DNAJC10: variants seen among roughly 807,000 people sequenced by gnomAD.
The protein encoded by DNAJC10 is endoplasmic reticulum disulfide reductase DNAJC10.
DNAJC10 carries 101 observed loss-of-function variants against 115.0 expected under a neutral mutation model. That is an observed-to-expected ratio of 0.88 (90% CI 0.75 to 1.04). The LOEUF (loss-of-function observed/expected upper bound fraction) is 1.04, where lower values mean the gene tolerates loss of function less well. Among genes scored for constraint, DNAJC10 ranks in the 50% least tolerant of loss-of-function variants. The pLI is 0.00. For synonymous variants in DNAJC10, 307 were observed against 301.5 expected, an observed-to-expected ratio of 1.02 and a Z score of -0.19; for missense variants, 981 against 928.8, an observed-to-expected ratio of 1.06 and a Z score of -0.73.
intron 23 of DNAJC10, 97 bp downstream of exon 23, chr2:182,775,517 T>G: frequency 1.6e-6 from 1 of 634,962 alleles, no homozygotes; most frequent in Non-Finnish European, 2.8e-6. Flanking sequence ...GACAACAAAA[T>G]GAGGCATCAA....
At chr2:182,763,604 C>T (rs1694339908) in intron 22 of DNAJC10, among the ~76,000 whole-genome samples, 2 of 152,160 alleles carry the variant, frequency 1.3e-5, no homozygotes, top group South Asian at 4.1e-4. Flanking sequence ...TCACACCACA[C>T]ACTCCACTCC....
chr2:182,762,492 T>G (rs1246718260), intron 21 of DNAJC10, among the ~76,000 whole-genome samples, 190 bp from the exon 22 acceptor site: 2 of 152,124 alleles, frequency 1.3e-5, no homozygotes, highest in Non-Finnish European at 2.9e-5. Flanking sequence ...GTTTATTTGC[T>G]GTTGGAGAGG....
rs1317822325 is a variant in DNAJC10, at chr2:182,755,081, G to A, written c.1630G>A (p.Glu544Lys). The A allele has an allele frequency of 8.7e-6, 14 of 1,605,330 alleles. No homozygotes were observed. The highest frequency in any genetic ancestry group is 1.1e-5 in the Non-Finnish European group (13 of 1,172,406). ...TGAGTATGAAGGACATCACTCTGCTGAACAAATCTTGGAGTTCATAGAGGT... is the reference window on the plus strand; with the variant it reads ...TGAGTATGAAGGACATCACTCTGCTAAACAAATCTTGGAGTTCATAGAGGT... ...IHEYEGHHSA[E>K]QILEFIEDLM... Residue 544 changes from glutamate (E) to lysine (K), a missense_variant, in exon 17 of 24, where the codon GAA (glutamate) becomes AAA (lysine). Coordinates refer to ENST00000264065, the MANE Select transcript of DNAJC10 (RefSeq NM_018981.4).
intron 10 of DNAJC10, among the ~76,000 whole-genome samples, chr2:182,733,814 TAGATAGATAGATA>T (rs2105630705): frequency 6.6e-6 from 1 of 151,146 alleles, no homozygotes; most frequent in South Asian, 2.1e-4. Context: ...GATAGATAGA[TAGATAGATAGATA>T]GATTTTCTAC....
At chr2:182,731,222 C>A in intron 9 of DNAJC10, 115 bp downstream of exon 9, 1 of 637,928 alleles carries the variant, frequency 1.6e-6, no homozygotes, top group South Asian at 2.5e-5. Flanking sequence ...CAATTTATGC[C>A]CAGGATTACA....
At chr2:182,741,212 C>CG (rs1693729156) in intron 12 of DNAJC10, 31 bp from the exon 13 acceptor site, 5 of 1,444,184 alleles carry the variant, frequency 3.5e-6, no homozygotes, top group Non-Finnish European at 4.8e-6. Context: ...TTTCCCATCT[C>CG]TGACATTTTG....
intron 11 of DNAJC10, among the ~76,000 whole-genome samples, chr2:182,738,395 T>G: frequency 6.6e-6 from 1 of 152,128 alleles, no homozygotes; most frequent in East Asian, 1.9e-4. Flanking sequence ...TTGCCTTGAG[T>G]ATTATAATCT....
intron 4 of DNAJC10, 83 bp from the exon 5 acceptor site, chr2:182,721,942 A>T (rs1693160708): frequency 2.6e-6 from 2 of 771,238 alleles, no homozygotes; most frequent in Non-Finnish European, 4.0e-6. Context: ...TTTTTTGATG[A>T]TTAAAACGAG....
chr2:182,776,349 A>G (rs144418650), intron 23 of DNAJC10, among the ~76,000 whole-genome samples: 4 of 152,316 alleles, frequency 2.6e-5, no homozygotes, highest in Non-Finnish European at 4.4e-5. Context: ...AAGCAGCACA[A>G]CCTTTTTCCT....
At chr2:182,723,734 A>T (rs1693213863) in intron 5 of DNAJC10, among the ~76,000 whole-genome samples, 1 of 152,206 alleles carries the variant, frequency 6.6e-6, no homozygotes, top group Admixed American at 6.5e-5. Context: ...CCATGAGTCT[A>T]CCTAGAATGA....
At position 182,782,906 on chromosome 2, in the gene DNAJC10, T is replaced by G. The variant is rs1447304756; in HGVS notation, c.*5774T>G. The G allele has an allele frequency of 6.6e-6, 1 of 152,208 alleles. No homozygotes were observed. The highest frequency in any genetic ancestry group is 2.4e-5 in the African/African-American group (1 of 41,450). 9.4% of individuals were successfully genotyped at this position (152,208 alleles called of 1,614,324 possible). ...CCTCTCTTCCTGTTTGAATACGCTT[T>G]CTTTCTCTTGCCTGATTGTCCTGGC... On this transcript the variant is annotated 3_prime_UTR_variant, in exon 24 of 24. Transcript: ENST00000264065.
Position 182,788,954 on chromosome 2 carries a change from G to A in DNAJC10, c.*11822G>A, listed in dbSNP as rs529735936. ...AACAAAATTTATTAATCATTTTAAA[G>A]TAGCATACAGTTCAGTAGTGTTAAG... On this transcript the variant is annotated 3_prime_UTR_variant, in exon 24 of 24. Coordinates refer to ENST00000264065, the MANE Select transcript of DNAJC10 (RefSeq NM_018981.4). 105 of 386,122 alleles carry A rather than the reference G, an allele frequency of 2.7e-4. No individual in the cohort carries two copies. Among genetic ancestry groups the A allele is most frequent in the South Asian group, 1.0e-3 (51 of 48,822 alleles). The allele number at this position is 386,122 out of a possible 1,614,324, so 23.9% of individuals were successfully genotyped here.
Position 182,777,259 on chromosome 2 carries a change from C to A in DNAJC10, c.*127C>A. The stretch of plus-strand genomic sequence containing the variant: ...TATCTTAGACTTGCAGTTGTACTGC[C>A]AGAATTATCTACAGCACTGGTGTAA... On this transcript the variant is annotated 3_prime_UTR_variant, in exon 24 of 24. Transcript: ENST00000264065. The A allele has an allele frequency of 1.8e-6, 1 of 552,528 alleles. No individual in the cohort carries two copies. Among genetic ancestry groups the A allele is most frequent in the Non-Finnish European group, 2.9e-6 (1 of 340,922 alleles). The allele number at this position is 552,528 out of a possible 1,614,324, so 34.2% of individuals were successfully genotyped here. A position where few individuals can be genotyped will look rare whatever the true frequency, so the allele number is the denominator to read the frequency against.
At chr2:182,773,434 G>T (rs1180737959) in intron 22 of DNAJC10, among the ~76,000 whole-genome samples, 1 of 152,120 alleles carries the variant, frequency 6.6e-6, no homozygotes, top group Admixed American at 6.5e-5. Context: ...TTTCCAACTT[G>T]GTTCCATTCT....
At chr2:182,736,709 A>G (rs1025678048) in intron 11 of DNAJC10, among the ~76,000 whole-genome samples, 1 of 152,146 alleles carries the variant, frequency 6.6e-6, no homozygotes, top group Non-Finnish European at 1.5e-5. Flanking sequence ...TATACGAAAG[A>G]GCATTTATAG....
At position 182,728,588 on chromosome 2, in the gene DNAJC10, A is replaced by C; in HGVS notation, c.431A>C (p.Asn144Thr). The C allele has an allele frequency of 1.9e-6, 3 of 1,610,124 alleles. No homozygotes were observed. The highest frequency in any genetic ancestry group is 1.7e-5 in the Admixed American group (1 of 59,872). ...LERREFDAAV[N>T]SGELWFVNFY... ...TATGTATTTTTAGATGCTGCTGTTA[A>C]TTCTGGAGAACTGTGGTTTGTAAAT... Residue 144 changes from asparagine to threonine, a missense_variant, in exon 6 of 24, where the codon AAT (asparagine) becomes ACT (threonine). Asn to Thr is a moderately conservative substitution (Grantham distance 65). Transcript: ENST00000264065.
rs770412185 is a variant in DNAJC10, at chr2:182,777,154, AG to A, written c.*23del. On this transcript the variant is annotated 3_prime_UTR_variant, in exon 24 of 24. Transcript: ENST00000264065. ...TTGATAATGTTGAAGATGAAGAAAA[AG>A]TTTAAAAGAAATTCTGACAGATGAC... 1 of 1,368,058 alleles carries A rather than the reference AG, an allele frequency of 7.3e-7. No homozygotes were observed. The highest frequency in any genetic ancestry group is 2.5e-5 in the East Asian group (1 of 40,558). 84.7% of individuals were successfully genotyped at this position (1,368,058 alleles called of 1,614,324 possible).
intron 18 of DNAJC10, 94 bp downstream of exon 18, chr2:182,756,563 C>A: frequency 1.7e-6 from 2 of 1,205,146 alleles, no homozygotes; most frequent in African/African-American, 1.5e-5. Context: ...GAACCCACAA[C>A]TAAATTATTA....
chr2:182,725,744 G>A (rs568102921), intron 5 of DNAJC10, among the ~76,000 whole-genome samples: 159 of 152,280 alleles, frequency 1.0e-3, no homozygotes, highest in African/African-American at 3.8e-3. Context: ...GAAGCAGCAA[G>A]TCCCGACATA....
Sources: gnomAD v4.1 joint callset for allele counts (sites outside exome capture counted in the v4.1 genomes callset) on GRCh38, gnomAD v4.1.1 for gene constraint, MANE v1.5 for transcripts, NCBI Gene and HGNC (gene_info 2026-07-23, HGNC 2026-07-21) for gene names.